The following SLC26A8 variants were observed in gnomAD, a reference collection of about 807,000 sequenced individuals.
The protein encoded by SLC26A8 is solute carrier family 26 member 8, also known as testis anion transporter 1.
Under a neutral mutation model 105.0 loss-of-function variants are expected in SLC26A8, and 70 were observed. The observed-to-expected ratio is 0.67, with a 90% CI of 0.55 to 0.81. The LOEUF is 0.81. SLC26A8 is among the 40% of genes least tolerant of loss of function. The pLI is 0.00. For missense variants in SLC26A8, 998 were observed against 1,181.8 expected, an observed-to-expected ratio of 0.84 and a Z score of 2.28; for synonymous variants, 415 against 438.3, an observed-to-expected ratio of 0.95 and a Z score of 0.66.
chr6:35,959,740 A>G lies in SLC26A8; in HGVS notation c.1705T>C (p.Tyr569His), dbSNP rs1026038576. ...TCTTTTAACAGCTTATGCTTTAGGT[A>G]GTAAACATTTACAAATGTAATTGAG... ...CSSITFVNVY[Y>H]LKHKLLKEVD... Residue 569 changes from tyrosine (Y) to histidine (H), a missense_variant, in exon 15 of 20, where the codon TAC (tyrosine) becomes CAC (histidine). Transcript: ENST00000490799. The G allele has an allele frequency of 3.1e-6, 5 of 1,610,410 alleles. No individual in the cohort carries two copies.
chr6:35,971,310 C>A (rs1044627371), intron 10 of SLC26A8, among the ~76,000 whole-genome samples: 2 of 152,170 alleles, frequency 1.3e-5, no homozygotes, highest in African/African-American at 4.8e-5. Flanking sequence ...ACATCTCATG[C>A]ATGCTTTGTT....
At chr6:35,975,562 GTTT>G in intron 9 of SLC26A8, 74 bp from the exon 10 acceptor site, 4 of 609,136 alleles carry the variant, frequency 6.6e-6, no homozygotes, top group Non-Finnish European at 1.1e-5. Flanking sequence ...AAGGCATATG[GTTT>G]TTTTTTTTTA....
rs1773070954 is a variant in SLC26A8 at position 35,977,189 on chromosome 6, T to C, written c.1173+15A>G. ...ACAAAGAGTTAAGGATCAGAGGAAGTAGTAGTCCTCTCACCTGGTTGGAAT... is the reference window on the plus strand; with the variant it reads ...ACAAAGAGTTAAGGATCAGAGGAAGCAGTAGTCCTCTCACCTGGTTGGAAT... On this transcript the variant is annotated intron_variant, in intron 9 of 19. Coordinates refer to ENST00000490799, the MANE Select transcript of SLC26A8 (RefSeq NM_052961.4). 1 of 1,609,218 alleles carries C rather than the reference T, an allele frequency of 6.2e-7. No individual in the cohort carries two copies. The highest frequency in any genetic ancestry group is 1.1e-5 in the South Asian group (1 of 90,330).
At position 36,012,348 on chromosome 6, in the gene SLC26A8, T is replaced by C. The variant is rs769387293; in HGVS notation, c.213A>G (p.Arg71=). The C allele has an allele frequency of 2.5e-6, 4 of 1,600,750 alleles. No homozygotes were observed. The highest frequency in any genetic ancestry group is 1.4e-5 in the African/African-American group (1 of 74,062). The part of the protein sequence containing the change: ...QCRCSWHRFL[R]CVLTIFPFLE... ...GGAAGGGAAAGATTGTAAGCACGCA[T>C]CGTAGGAACCTGTGCCATGAGCAGC... Residue 71 remains arginine, a synonymous_variant, in exon 3 of 20, where the codon CGA becomes CGG. Transcript: ENST00000490799.
Position 35,997,817 on chromosome 6 carries a change from G to A in SLC26A8, c.548C>T (p.Ser183Leu), listed in dbSNP as rs752023890. 16 of 1,614,010 alleles carry A rather than the reference G, an allele frequency of 9.9e-6. No homozygotes were observed. Among genetic ancestry groups the A allele is most frequent in the Middle Eastern group, 1.6e-4 (1 of 6,084 alleles). The change falls in exon 5 of 20, where the codon TCG becomes TTG. Residue 183 changes from serine (S) to leucine (L), a missense_variant. Coordinates refer to ENST00000490799, the MANE Select transcript of SLC26A8 (RefSeq NM_052961.4). ...VMGSFVKNEFSAPSYLMGYNK... is the reference protein window; with the variant it reads ...VMGSFVKNEFLAPSYLMGYNK... ...ATAGCCCATAAGGTAGGAGGGGGCC[G>A]AAAACTCATTCTTGACGAAAGATCC...
chr6:35,991,588 A>G (rs1761161457), intron 7 of SLC26A8, 71 bp downstream of exon 7: 1 of 1,281,962 alleles, frequency 7.8e-7, no homozygotes, highest in Admixed American at 2.8e-5. Context: ...CTTTTACACA[A>G]TTCAACTCAG....
intron 2 of SLC26A8, among the ~76,000 whole-genome samples, chr6:36,013,869 C>T (rs1761928505): frequency 6.6e-6 from 1 of 152,172 alleles, no homozygotes; most frequent in Non-Finnish European, 1.5e-5. Flanking sequence ...ACAACTATGG[C>T]ATTACTATTG....
At chr6:35,970,915 C>T (rs1772773563) in intron 10 of SLC26A8, among the ~76,000 whole-genome samples, 1 of 152,038 alleles carries the variant, frequency 6.6e-6, no homozygotes, top group African/African-American at 2.4e-5. Context: ...GTAATCCCAG[C>T]TACTTGGGAG....
chr6:35,974,536 C>T (rs17707124), intron 10 of SLC26A8, among the ~76,000 whole-genome samples: 6,156 of 152,236 alleles, frequency 0.04, 145 homozygotes, highest in Middle Eastern at 0.088. Flanking sequence ...ATTATACATT[C>T]TCTAGGCTCT....
chr6:36,012,673 C>T (rs564580333), intron 2 of SLC26A8, among the ~76,000 whole-genome samples: 1 of 152,292 alleles, frequency 6.6e-6, no homozygotes, highest in East Asian at 1.9e-4. Context: ...CCCTGGGGGA[C>T]TAAATCACCT....
intron 3 of SLC26A8, among the ~76,000 whole-genome samples, chr6:36,010,316 T>C (rs532343018): frequency 6.5e-4 from 99 of 152,162 alleles, no homozygotes; most frequent in Non-Finnish European, 1.3e-3. Context: ...CAATGCATAA[T>C]GAAAGAAGCC....
At chr6:36,014,646 C>T (rs1761947727) in intron 2 of SLC26A8, among the ~76,000 whole-genome samples, 2 of 152,094 alleles carry the variant, frequency 1.3e-5, no homozygotes, top group Non-Finnish European at 2.9e-5. Flanking sequence ...CTTTGGGAGG[C>T]CAAGGCGGGC....
chr6:35,944,052 G>A lies in SLC26A8; in HGVS notation c.2761C>T (p.His921Tyr). ...CAGTAACGCTGCTGAGGAAAAGTGT[G>A]AGCTCTTGGCCTAGATTTGGGGTTG... ...EPNPKSRPRA[H>Y]TFPQQRYWPM... Residue 921 changes from histidine (H) to tyrosine (Y), a missense_variant, in exon 20 of 20, where the codon CAC (histidine) becomes TAC (tyrosine). Physicochemically the swap from His to Tyr is moderately conservative, Grantham distance 83. Coordinates refer to ENST00000490799, the MANE Select transcript of SLC26A8 (RefSeq NM_052961.4). The A allele has an allele frequency of 1.2e-6, 2 of 1,614,082 alleles. No homozygotes were observed. The highest frequency in any genetic ancestry group is 1.3e-5 in the African/African-American group (1 of 75,002).
At chr6:35,990,633 T>A (rs898891564) in intron 7 of SLC26A8, among the ~76,000 whole-genome samples, 5 of 152,146 alleles carry the variant, frequency 3.3e-5, no homozygotes, top group African/African-American at 1.2e-4. Flanking sequence ...TGAGAAGGAA[T>A]GGAAGTTGAA....
At position 35,955,229 on chromosome 6, in the gene SLC26A8, G is replaced by A. The variant is rs1291405078; in HGVS notation, c.2155C>T (p.Pro719Ser). The change falls in exon 17 of 20, where the codon CCC (proline) becomes TCC (serine). Residue 719 changes from proline (P) to serine (S), a missense_variant. Pro to Ser is a moderately conservative substitution (Grantham distance 74, BLOSUM62 -1). Coordinates refer to ENST00000490799, the MANE Select transcript of SLC26A8 (RefSeq NM_052961.4). ...TCCAGGATGATGGTGTGGACACTGG[G>A]CAGTAGAGACGCATCTGAGTAAGGG... ...LIPYSDASLL[P>S]SVHTIILDFS... The A allele has an allele frequency of 1.2e-6, 2 of 1,614,036 alleles. No homozygotes were observed. Among genetic ancestry groups the A allele is most frequent in the African/African-American group, 1.3e-5 (1 of 74,904 alleles).
intron 19 of SLC26A8, among the ~76,000 whole-genome samples, chr6:35,945,504 T>G (rs534039639): frequency 6.6e-6 from 1 of 152,220 alleles, no homozygotes; most frequent in African/African-American, 2.4e-5. Context: ...CCCCGCCCTT[T>G]GCTCTCACCA....
In SLC26A8 at chr6:35,951,222, C is replaced by G; in HGVS notation, c.2413G>C (p.Glu805Gln). The change falls in exon 19 of 20, where the codon GAG becomes CAG. Residue 805 changes from glutamate (E) to glutamine (Q), a missense_variant. Physicochemically the swap from Glu to Gln is conservative, Grantham distance 29. Coordinates refer to ENST00000490799, the MANE Select transcript of SLC26A8 (RefSeq NM_052961.4). Reference protein sequence around the residue: ...ALSRKVIGSSELSIDESETVI... With the variant: ...ALSRKVIGSSQLSIDESETVI... ...GTCTCGGATTCATCGATGCTTAACT[C>G]AGAGGAGCCTATGACCTTCCTTGAC... 2.5e-6 allele frequency: 4 copies of G among 1,613,974 alleles called. No individual in the cohort carries two copies. The highest frequency in any genetic ancestry group is 3.4e-6 in the Non-Finnish European group (4 of 1,180,012).
intron 9 of SLC26A8, among the ~76,000 whole-genome samples, 184 bp from the exon 10 acceptor site, chr6:35,975,672 A>G (rs1772982088): frequency 6.6e-6 from 1 of 151,942 alleles, no homozygotes. Flanking sequence ...TCAACACTTT[A>G]GGAGGCTGAG....
intron 14 of SLC26A8, chr6:35,960,128 C>T (rs1306625071): frequency 4.9e-6 from 1 of 204,668 alleles, no homozygotes; most frequent in African/African-American, 2.4e-5. Context: ...ACGCTGGTCT[C>T]AAATGCCTGG....
Sources: gnomAD v4.1 joint callset for allele counts (sites outside exome capture counted in the v4.1 genomes callset) on GRCh38, gnomAD v4.1.1 for gene constraint, MANE v1.5 for transcripts, NCBI Gene and HGNC (gene_info 2026-07-23, HGNC 2026-07-21) for gene names.